CCDC91: variants seen among roughly 807,000 people sequenced by gnomAD.
CCDC91 encodes coiled-coil domain-containing protein 91.
Under a neutral mutation model 63.2 loss-of-function variants are expected in CCDC91, and 48 were observed. The ratio of observed to expected loss-of-function variants is 0.76; its 90% CI spans 0.60 to 0.97. CCDC91 has a LOEUF of 0.97. CCDC91 is among the 50% of genes least tolerant of loss of function. The probability of loss-of-function intolerance (pLI) is 0.00; values close to 1 mark genes in which losing one functional copy is unlikely to be tolerated. For synonymous variants in CCDC91, 167 were observed against 165.8 expected, an observed-to-expected ratio of 1.01 and a Z score of -0.06; for missense variants, 500 against 494.6, an observed-to-expected ratio of 1.01 and a Z score of -0.10.
At chr12:28,191,533 T>G (rs1454972192) in intron 1 of CCDC91, among the ~76,000 whole-genome samples, 1 of 151,864 alleles carries the variant, frequency 6.6e-6, no homozygotes, top group Non-Finnish European at 1.5e-5. Context: ...TTAATCCGGG[T>G]GGGAGTTGGA....
chr12:28,517,306 C>T (rs1025834192), intron 12 of CCDC91, among the ~76,000 whole-genome samples: 3 of 151,942 alleles, frequency 2.0e-5, no homozygotes, highest in African/African-American at 4.8e-5. Flanking sequence ...ATGTGGTGGG[C>T]AAGCCTGAGA....
chr12:28,406,332 T>G (rs371355962), intron 8 of CCDC91, among the ~76,000 whole-genome samples: 1 of 152,004 alleles, frequency 6.6e-6, no homozygotes, highest in Non-Finnish European at 1.5e-5. Context: ...AGTGTACAAG[T>G]CTTTGTATGG....
intron 12 of CCDC91, among the ~76,000 whole-genome samples, chr12:28,500,214 T>C (rs1183371856): frequency 6.6e-6 from 1 of 151,726 alleles, no homozygotes; most frequent in East Asian, 1.9e-4. Flanking sequence ...TGTAAATTTG[T>C]TTAAGTTCTT....
chr12:28,395,887 T>A lies in CCDC91; in HGVS notation c.762+4476T>A, dbSNP rs563382876. Among the ~76,000 whole-genome samples, 169 of 152,266 alleles carry A rather than the reference T, an allele frequency of 1.1e-3. 2 individuals are homozygous for A. Among genetic ancestry groups the A allele is most frequent in the African/African-American group, 3.4e-3 (143 of 41,542 alleles). ...CTTTATGACACTGTACAAAGACCAG[T>A]GTATTTCTTAGTGTATCACAGTCCC... is the stretch of plus-strand genomic sequence containing the variant. On this transcript the variant is annotated intron_variant, in intron 8 of 12. Transcript: ENST00000536442.
chr12:28,362,446 TAAAC>T lies in CCDC91; in HGVS notation c.588_591del (p.Gln197AsnfsTer5). On this transcript the variant is annotated frameshift_variant, in exon 7 of 13. Coordinates refer to ENST00000536442, the MANE Select transcript of CCDC91 (RefSeq NM_018318.5). LOFTEE classifies it high-confidence loss of function. ...TTTCTTTTTTCTTTCAGGAAAAACA[TAAAC>T]AAGAATTGGAAGACATGAGGAAAGC... The T allele has an allele frequency of 6.3e-7, 1 of 1,579,818 alleles. No homozygotes were observed. The highest frequency in any genetic ancestry group is 8.6e-7 in the Non-Finnish European group (1 of 1,162,546).
At chr12:28,545,277 G>A (rs574303766) in intron 12 of CCDC91, among the ~76,000 whole-genome samples, 1 of 151,996 alleles carries the variant, frequency 6.6e-6, no homozygotes, top group Non-Finnish European at 1.5e-5. Context: ...AGCAAAAAAG[G>A]TGAATATTTT....
intron 6 of CCDC91, among the ~76,000 whole-genome samples, chr12:28,310,560 C>T (rs369561825): frequency 2.0e-5 from 3 of 151,894 alleles, no homozygotes; most frequent in East Asian, 1.9e-4. Context: ...GAGTAACTTA[C>T]GGAGTGTTAA....
intron 12 of CCDC91, among the ~76,000 whole-genome samples, chr12:28,540,529 C>G (rs1942552570): frequency 6.6e-6 from 1 of 152,114 alleles, no homozygotes; most frequent in Admixed American, 6.6e-5. Flanking sequence ...TCTGAGAAGG[C>G]AGCGTAGTAT....
intron 6 of CCDC91, among the ~76,000 whole-genome samples, chr12:28,335,385 T>G (rs1480075513): frequency 7.4e-6 from 1 of 134,902 alleles, no homozygotes; most frequent in African/African-American, 2.6e-5. Flanking sequence ...TATATTTATA[T>G]ATAAATATTA....
rs538117775 is a variant in CCDC91, at chr12:28,262,943, A to G, written c.109+3501A>G. ...CTTTAAGCATTTTCCTCTCTGTTTC[A>G]TAGCCTAACCCTCCACATTGCCTTC... is the stretch of plus-strand genomic sequence containing the variant. On this transcript the variant is annotated intron_variant, in intron 3 of 12. Transcript: ENST00000536442. 7.9e-5 allele frequency among the ~76,000 whole-genome samples: 12 copies of G among 152,128 alleles called. No individual in the cohort carries two copies. The Middle Eastern group carries it at 0.031, about 388-fold the overall frequency.
chr12:28,543,526 A>G (rs1942780017), intron 12 of CCDC91, among the ~76,000 whole-genome samples: 1 of 152,112 alleles, frequency 6.6e-6, no homozygotes. Flanking sequence ...AACAGAAACT[A>G]AGAACCCATG....
At chr12:28,300,040 G>A (rs1352552627) in intron 3 of CCDC91, among the ~76,000 whole-genome samples, 2 of 150,786 alleles carry the variant, frequency 1.3e-5, no homozygotes, top group Admixed American at 6.6e-5. Flanking sequence ...TTTTATATTT[G>A]TTTTGACAGA....
At chr12:28,458,104 A>T (rs1459551933) in intron 11 of CCDC91, among the ~76,000 whole-genome samples, 9 of 152,074 alleles carry the variant, frequency 5.9e-5, no homozygotes, top group Non-Finnish European at 1.0e-4. Flanking sequence ...CCTTCTTTTA[A>T]AAAAGGAAAT....
At chr12:28,296,240 G>T (rs1304580862) in intron 3 of CCDC91, among the ~76,000 whole-genome samples, 1 of 151,528 alleles carries the variant, frequency 6.6e-6, no homozygotes, top group African/African-American at 2.4e-5. Context: ...GCTAGCAAAA[G>T]ATTACGAGGC....
chr12:28,361,338 C>G (rs531778897), intron 6 of CCDC91, among the ~76,000 whole-genome samples: 1 of 151,966 alleles, frequency 6.6e-6, no homozygotes. Flanking sequence ...CCACTCCCCC[C>G]ACCCCACAAC....
chr12:28,370,243 T>C (rs1452081074), intron 7 of CCDC91, among the ~76,000 whole-genome samples: 10 of 152,210 alleles, frequency 6.6e-5, no homozygotes, highest in Non-Finnish European at 1.0e-4. Flanking sequence ...CTGTGCACTT[T>C]CAGAAAAAGT....
At chr12:28,191,184 C>A (rs776617639) in intron 1 of CCDC91, 1 of 152,252 alleles carries the variant, frequency 6.6e-6, no homozygotes, top group Non-Finnish European at 1.5e-5. Context: ...TCCTTCGTCC[C>A]CGTTAGCACG....
chr12:28,339,022 G>A (rs1270380515), intron 6 of CCDC91, among the ~76,000 whole-genome samples: 2 of 151,986 alleles, frequency 1.3e-5, no homozygotes, highest in African/African-American at 2.4e-5. Flanking sequence ...TATATTTTTA[G>A]TAGAGACAGG....
intron 5 of CCDC91, 88 bp downstream of exon 5, chr12:28,307,033 G>A (rs1481687761): frequency 1.6e-5 from 14 of 855,430 alleles, no homozygotes; most frequent in Non-Finnish European, 2.5e-5. Context: ...ACTCATCAGA[G>A]GAAGAAGATA....
Sources: gnomAD v4.1 joint callset for allele counts (sites outside exome capture counted in the v4.1 genomes callset) on GRCh38, gnomAD v4.1.1 for gene constraint, MANE v1.5 for transcripts, NCBI Gene and HGNC (gene_info 2026-07-23, HGNC 2026-07-21) for gene names.